The following PTPRN2 variants were observed in gnomAD, a reference collection of about 807,000 sequenced individuals.
PTPRN2 encodes receptor-type tyrosine-protein phosphatase N2.
In PTPRN2, 74 loss-of-function variants were observed where a neutral mutation model predicts 118.8. The ratio of observed to expected loss-of-function variants is 0.62; its 90% CI spans 0.52 to 0.76. The LOEUF (loss-of-function observed/expected upper bound fraction) is 0.76, where lower values mean the gene tolerates loss of function less well. Ranked by LOEUF, PTPRN2 falls within the 30% of genes least tolerant of loss-of-function variation. PTPRN2 has a pLI of 0.00. For missense variants in PTPRN2, 1,481 were observed against 1,394.4 expected, an observed-to-expected ratio of 1.06 and a Z score of -0.99; for synonymous variants, 641 against 608.0, an observed-to-expected ratio of 1.05 and a Z score of -0.80.
intron 13 of PTPRN2, among the ~76,000 whole-genome samples, chr7:157,679,952 C>T (rs1424611767): frequency 1.3e-5 from 2 of 152,202 alleles, no homozygotes; most frequent in African/African-American, 2.4e-5. Context: ...ACCACCTCCA[C>T]GCACCCGTCT....
chr7:157,769,499 A>C (rs1802674451), intron 12 of PTPRN2, among the ~76,000 whole-genome samples: 1 of 152,180 alleles, frequency 6.6e-6, no homozygotes, highest in African/African-American at 2.4e-5. Context: ...CAAATGGAAC[A>C]CAGATAGGAT....
chr7:158,459,448 G>A (rs1171927371), intron 2 of PTPRN2, among the ~76,000 whole-genome samples: 4 of 152,042 alleles, frequency 2.6e-5, no homozygotes, highest in African/African-American at 7.3e-5. Context: ...TGCCTGGGAC[G>A]AACGGGCTCC....
chr7:158,238,668 T>A (rs758602283), intron 3 of PTPRN2, among the ~76,000 whole-genome samples: 1 of 152,046 alleles, frequency 6.6e-6, no homozygotes, highest in African/African-American at 2.4e-5. Flanking sequence ...GAAGCACGGG[T>A]CGCAGCTCCA....
At chr7:158,054,481 G>A (rs1478093116) in intron 11 of PTPRN2, among the ~76,000 whole-genome samples, 1 of 152,356 alleles carries the variant, frequency 6.6e-6, no homozygotes, top group African/African-American at 2.4e-5. Context: ...GTTTTTGTCT[G>A]TGAGTCGAGT....
At chr7:157,984,177 T>C (rs1803534357) in intron 11 of PTPRN2, among the ~76,000 whole-genome samples, 1 of 152,032 alleles carries the variant, frequency 6.6e-6, no homozygotes, top group African/African-American at 2.4e-5. Context: ...CAGGTAACAA[T>C]GACCTTGTGT....
chr7:157,597,258 GA>G (rs1801397137), intron 16 of PTPRN2, among the ~76,000 whole-genome samples: 1 of 152,204 alleles, frequency 6.6e-6, no homozygotes, highest in Non-Finnish European at 1.5e-5. Flanking sequence ...ACCTCGTTTT[GA>G]AATTCGCCAC....
At chr7:158,429,516 C>T (rs1816001663) in intron 2 of PTPRN2, among the ~76,000 whole-genome samples, 1 of 152,218 alleles carries the variant, frequency 6.6e-6, no homozygotes. Flanking sequence ...TTCCACAAAC[C>T]CTTAGACCCG....
chr7:157,726,921 A>C (rs1335506250), intron 12 of PTPRN2, among the ~76,000 whole-genome samples: 1 of 152,186 alleles, frequency 6.6e-6, no homozygotes, highest in Non-Finnish European at 1.5e-5. Context: ...GCGTCACCAA[A>C]ATCATTGGGG....
At chr7:158,549,033 C>T (rs1826473170) in intron 1 of PTPRN2, among the ~76,000 whole-genome samples, 1 of 152,186 alleles carries the variant, frequency 6.6e-6, no homozygotes, top group Non-Finnish European at 1.5e-5. Context: ...GAGATGCAGA[C>T]AGCAGTGCCA....
rs117359788 is a variant in PTPRN2 at position 158,217,992 on chromosome 7, G to T, written c.278-12719C>A. Among the ~76,000 whole-genome samples the T allele has an allele frequency of 0.01, 1,575 of 152,234 alleles. 84 individuals are homozygous for T. In the East Asian group the frequency reaches 0.17, roughly 16 times the overall value. Reference sequence around the variant, plus strand: ...CACTGGCATTTCTGAAAGAGAAGGAGAGAGAGTAAGCAACTTGGAAAACAT... The same window carrying T: ...CACTGGCATTTCTGAAAGAGAAGGATAGAGAGTAAGCAACTTGGAAAACAT... On this transcript the variant is annotated intron_variant, in intron 3 of 22. Transcript: ENST00000389418.
intron 2 of PTPRN2, among the ~76,000 whole-genome samples, chr7:158,364,636 G>A (rs991250464): frequency 6.6e-6 from 1 of 152,102 alleles, no homozygotes; most frequent in African/African-American, 2.4e-5. Context: ...TGAGAGTGAG[G>A]ATCTCCATGC....
At chr7:158,352,433 G>A (rs1808075241) in intron 2 of PTPRN2, among the ~76,000 whole-genome samples, 2 of 152,216 alleles carry the variant, frequency 1.3e-5, no homozygotes, top group African/African-American at 4.8e-5. Context: ...CCAAGGATCA[G>A]CTTCGATAGG....
At chr7:157,875,692 G>A (rs1224024630) in intron 12 of PTPRN2, among the ~76,000 whole-genome samples, 1 of 152,176 alleles carries the variant, frequency 6.6e-6, no homozygotes, top group Non-Finnish European at 1.5e-5. Context: ...TTGGGCCTCG[G>A]GGGTCAGGAG....
chr7:158,340,676 A>T (rs1243745150), intron 2 of PTPRN2, among the ~76,000 whole-genome samples: 1 of 94,374 alleles, frequency 1.1e-5, no homozygotes, highest in Non-Finnish European at 2.3e-5. Context: ...TCACACCCAC[A>T]CTCTCACCAT....
intron 6 of PTPRN2, among the ~76,000 whole-genome samples, chr7:158,151,405 C>T (rs200986118): frequency 1.5e-5 from 1 of 66,182 alleles, no homozygotes. Flanking sequence ...TCTATTCCTG[C>T]CTCTCCCTGC....
At chr7:157,673,100 C>T (rs540843194) in intron 13 of PTPRN2, among the ~76,000 whole-genome samples, 5 of 152,226 alleles carry the variant, frequency 3.3e-5, no homozygotes, top group East Asian at 1.9e-4. Context: ...TTCGGCTCAC[C>T]GCAACGTCTG....
At chr7:158,059,127 A>T (rs1259144743) in intron 11 of PTPRN2, among the ~76,000 whole-genome samples, 1 of 125,302 alleles carries the variant, frequency 8.0e-6, no homozygotes, top group Non-Finnish European at 1.6e-5. Context: ...GCCACACTCC[A>T]TCTGCCCACG....
intron 21 of PTPRN2, among the ~76,000 whole-genome samples, chr7:157,561,490 G>A (rs1036222757): frequency 1.1e-4 from 17 of 152,246 alleles, no homozygotes; most frequent in South Asian, 2.1e-4. Flanking sequence ...TCTGAGCGCC[G>A]TCCCTGGGGC....
rs968832687 is a variant in PTPRN2, at chr7:157,759,384, G to A, written c.1789-76447C>T. ...GAGGCCCTGCTTCCTGGATGGACTG[G>A]CTCCTGCGGGAACTCCGGCAGGTGG... On this transcript the variant is annotated intron_variant, in intron 12 of 22. Transcript: ENST00000389418. 5.3e-5 allele frequency among the ~76,000 whole-genome samples: 8 copies of A among 152,362 alleles called. No homozygotes were observed. The South Asian group carries it at 6.2e-4, about 12-fold the overall frequency.
Sources: allele counts gnomAD v4.1 joint callset (sites outside exome capture counted in the v4.1 genomes callset), GRCh38; gene constraint gnomAD v4.1.1; transcripts MANE v1.5; gene names NCBI Gene and HGNC (gene_info 2026-07-23, HGNC 2026-07-21).